Variants in TNRC6C observed in about 807,000 individuals in gnomAD.
The protein encoded by TNRC6C is trinucleotide repeat-containing gene 6C protein.
TNRC6C carries 20 observed loss-of-function variants against 153.7 expected under a neutral mutation model. That is an observed-to-expected ratio of 0.13 (90% CI 0.09 to 0.19). The LOEUF is 0.19. Ranked by LOEUF, TNRC6C falls within the 10% of genes least tolerant of loss-of-function variation. TNRC6C has a pLI of 1.00. For synonymous variants in TNRC6C, 811 were observed against 841.4 expected, an observed-to-expected ratio of 0.96 and a Z score of 0.63; for missense variants, 1,987 against 2,172.0, an observed-to-expected ratio of 0.91 and a Z score of 1.69.
chr17:77,983,111 A>G (rs1295224721), intron 1 of TNRC6C, among the ~76,000 whole-genome samples: 2 of 152,206 alleles, frequency 1.3e-5, no homozygotes, highest in East Asian at 3.9e-4. Context: ...AAATTCACAG[A>G]CCAACTTTCA....
intron 1 of TNRC6C, among the ~76,000 whole-genome samples, chr17:77,987,372 G>C (rs1024772713): frequency 2.0e-5 from 3 of 152,300 alleles, no homozygotes; most frequent in African/African-American, 7.2e-5. Flanking sequence ...AAGCACACTT[G>C]TATTCAGCTA....
intron 2 of TNRC6C, among the ~76,000 whole-genome samples, chr17:78,034,541 C>A (rs2072141960): frequency 6.6e-6 from 1 of 152,246 alleles, no homozygotes; most frequent in African/African-American, 2.4e-5. Context: ...TGTCTCCATT[C>A]TGTTCTCACA....
chr17:78,007,091 C>A (rs749265019), intron 1 of TNRC6C, among the ~76,000 whole-genome samples: 11 of 152,142 alleles, frequency 7.2e-5, no homozygotes, highest in African/African-American at 1.2e-4. Context: ...GATTCCCCCC[C>A]ACCTCGGCCT....
At chr17:77,968,000 A>C (rs1030654596) in intron 1 of TNRC6C, among the ~76,000 whole-genome samples, 4 of 152,150 alleles carry the variant, frequency 2.6e-5, no homozygotes, top group Admixed American at 6.5e-5. Context: ...TACTTTATAA[A>C]AATTTGAGAT....
At chr17:78,005,195 G>C (rs1405695696) in intron 1 of TNRC6C, 116 bp downstream of exon 3, 1 of 631,866 alleles carries the variant, frequency 1.6e-6, no homozygotes, top group African/African-American at 1.9e-5. Context: ...GCCTGCCTTT[G>C]AAACTATTTT....
chr17:78,041,019 T>A (rs907231068), intron 2 of TNRC6C: 1 of 151,668 alleles, frequency 6.6e-6, no homozygotes, highest in East Asian at 1.9e-4. Flanking sequence ...CCAGCCGACA[T>A]GTTGTAGCGA....
chr17:78,008,618 A>ACTGCAACCTCCACCCC (rs2071564846), intron 1 of TNRC6C: 1 of 152,162 alleles, frequency 6.6e-6, no homozygotes, highest in Admixed American at 6.5e-5. Flanking sequence ...TGGGGTTGAC[A>ACTGCAACCTCCACCCC]TCCTGCACTC....
chr17:78,096,292 T>G (rs1187635970), intron 16 of TNRC6C, among the ~76,000 whole-genome samples: 1 of 152,072 alleles, frequency 6.6e-6, no homozygotes, highest in Non-Finnish European at 1.5e-5. Flanking sequence ...AGGAGAGGAT[T>G]CAGAAACTGC....
chr17:78,097,820 G>C, intron 16 of TNRC6C: 3 of 1,550,800 alleles, frequency 1.9e-6, no homozygotes, highest in Non-Finnish European at 1.7e-6. Context: ...TCCGGCTACA[G>C]TAGCTCTTTC....
chr17:78,014,699 A>C (rs1014901601), intron 1 of TNRC6C, among the ~76,000 whole-genome samples: 6 of 150,968 alleles, frequency 4.0e-5, no homozygotes, highest in African/African-American at 1.2e-4. Flanking sequence ...AGAGTAGAAA[A>C]TACCTCTGAA....
chr17:77,984,908 C>G (rs763200824), intron 1 of TNRC6C, among the ~76,000 whole-genome samples: 2 of 152,230 alleles, frequency 1.3e-5, no homozygotes, highest in East Asian at 3.9e-4. Flanking sequence ...TCTCTGGACC[C>G]CATAAGGAAC....
intron 1 of TNRC6C, among the ~76,000 whole-genome samples, chr17:78,012,666 G>T (rs183859907): frequency 3.3e-4 from 50 of 152,294 alleles, no homozygotes; most frequent in Non-Finnish European, 1.5e-4. Context: ...TTCATGGCCA[G>T]TGGCGGATAG....
chr17:78,087,163 A>G (rs1567960842), intron 13 of TNRC6C, 70 bp downstream of exon 15: 12 of 1,561,044 alleles, frequency 7.7e-6, no homozygotes, highest in African/African-American at 1.4e-5. Context: ...TGTGGTAGCC[A>G]GGGCAGCATT....
intron 1 of TNRC6C, among the ~76,000 whole-genome samples, chr17:78,019,449 T>A (rs992863348): frequency 6.6e-6 from 1 of 152,228 alleles, no homozygotes; most frequent in Non-Finnish European, 1.5e-5. Context: ...TTTGGCCCTG[T>A]TATGACAACA....
intron 2 of TNRC6C, among the ~76,000 whole-genome samples, chr17:78,043,302 T>C (rs536069181): frequency 2.7e-4 from 41 of 152,338 alleles, no homozygotes; most frequent in African/African-American, 9.9e-4. Flanking sequence ...GGCTGCAGCC[T>C]ATCCCAAGAA....
In TNRC6C at chr17:78,093,982, C is replaced by CT. The variant is rs11313921; in HGVS notation, c.4306+234dup. On this transcript the variant is annotated intron_variant, in intron 16 of 19. Transcript: ENST00000301624. ...TCTGCTGGATTTTTTATTATTATTACTTTTTTTTTTTTTTTGCGATGAAGT... is the reference window on the plus strand; with the variant it reads ...TCTGCTGGATTTTTTATTATTATTACTTTTTTTTTTTTTTTTGCGATGAAGT... Among the ~76,000 whole-genome samples, 493 of 141,326 alleles carry CT rather than the reference C, an allele frequency of 3.5e-3. 1 individual carries two copies. The highest frequency in any genetic ancestry group is 7.9e-3 in the African/African-American group (306 of 38,642). The allele number at this position is 141,326 out of a possible 152,430, so 92.7% of individuals were successfully genotyped here.
At chr17:78,069,627 G>A (rs2072952036) in intron 5 of TNRC6C, among the ~76,000 whole-genome samples, 1 of 152,024 alleles carries the variant, frequency 6.6e-6, no homozygotes, top group South Asian at 2.1e-4. Context: ...CAGCATTTTT[G>A]TAGTAAAAAG....
chr17:78,027,614 G>T (rs75792047), intron 1 of TNRC6C, among the ~76,000 whole-genome samples: 209 of 152,288 alleles, frequency 1.4e-3, no homozygotes, highest in African/African-American at 5.0e-3. Context: ...GACACGCAAA[G>T]TCCCTAAGAT....
In TNRC6C at chr17:78,079,776, G is replaced by A. The variant is rs1050642567; in HGVS notation, c.3357+235G>A. 3.3e-5 allele frequency among the ~76,000 whole-genome samples: 5 copies of A among 152,174 alleles called. No homozygotes were observed. Among genetic ancestry groups the A allele is most frequent in the South Asian group, 2.1e-4 (1 of 4,824 alleles). ...TGCTCCTTGGAATGCCTCAGCCACC[G>A]AAACTAGCATTTGGCATCTTCCTGG... On this transcript the variant is annotated intron_variant, in intron 10 of 19. Transcript: ENST00000301624. The surrounding 1 kb of genome is among the most constrained non-coding windows in gnomAD (Gnocchi z 4.3).
Sources: gnomAD v4.1 joint callset for allele counts (sites outside exome capture counted in the v4.1 genomes callset) on GRCh38, gnomAD v4.1.1 for gene constraint, Gnocchi (gnomAD v3.1) non-coding constraint, MANE v1.5 for transcripts, NCBI Gene and HGNC (gene_info 2026-07-23, HGNC 2026-07-21) for gene names.